Variants in FARS2 observed in about 807,000 individuals in gnomAD.
FARS2 encodes phenylalanine--tRNA ligase, mitochondrial.
A neutral mutation model predicts 46.4 loss-of-function variants in FARS2; 40 were observed. The observed-to-expected ratio is 0.86, with a 90% CI of 0.67 to 1.12. FARS2 has a LOEUF of 1.12. FARS2 is among the 50% of genes most tolerant of loss of function. FARS2 has a pLI of 0.00. For missense variants in FARS2, 513 were observed against 567.9 expected (o/e 0.90, Z 0.98); for synonymous variants, 234 against 214.9 (o/e 1.09, Z -0.78).
upstream of FARS2, among the ~76,000 whole-genome samples, chr6:5,256,750 T>C (rs1430503840): frequency 6.6e-6 from 1 of 151,866 alleles, no homozygotes; most frequent in Non-Finnish European, 1.5e-5. Context: ...CAGGGGAAAT[T>C]TACACCCAAG....
chr6:5,260,008 AG>A (rs2127789028), upstream of FARS2, among the ~76,000 whole-genome samples: 1 of 152,320 alleles, frequency 6.6e-6, no homozygotes, highest in South Asian at 2.1e-4. Flanking sequence ...ATGTGAGTTT[AG>A]GCCCTCAATA....
chr6:5,511,667 G>GA, intron 4 of FARS2, among the ~76,000 whole-genome samples: 1 of 152,216 alleles, frequency 6.6e-6, no homozygotes, highest in East Asian at 1.9e-4. Context: ...GCTATTGGAG[G>GA]AAAAGGGTCA....
chr6:5,652,590 A>C (rs978376114), intron 6 of FARS2, among the ~76,000 whole-genome samples: 4 of 152,210 alleles, frequency 2.6e-5, no homozygotes, highest in South Asian at 2.1e-4. Context: ...GAATGGCCCG[A>C]CTGCCCTTCA....
At chr6:5,489,799 C>A (rs773712964) in intron 4 of FARS2, among the ~76,000 whole-genome samples, 1 of 152,014 alleles carries the variant, frequency 6.6e-6, no homozygotes. Context: ...AGTGAACTTA[C>A]GTTGGAATAA....
chr6:5,284,606 C>T (rs1481407780), intron 1 of FARS2, among the ~76,000 whole-genome samples: 1 of 152,200 alleles, frequency 6.6e-6, no homozygotes, highest in Non-Finnish European at 1.5e-5. Flanking sequence ...ATCACTGGAA[C>T]TACTTTTCAG....
At chr6:5,689,857 G>A (rs1757557888) in intron 6 of FARS2, among the ~76,000 whole-genome samples, 4 of 152,030 alleles carry the variant, frequency 2.6e-5, no homozygotes, top group South Asian at 2.1e-4. Flanking sequence ...GGTCTCTAAG[G>A]ACTTGCTTTA....
intron 6 of FARS2, among the ~76,000 whole-genome samples, chr6:5,707,914 C>T (rs555817800): frequency 5.9e-5 from 9 of 152,308 alleles, no homozygotes; most frequent in East Asian, 5.8e-4. Flanking sequence ...CGTGGGAGCC[C>T]GGGGAAGAAA....
intron 4 of FARS2, among the ~76,000 whole-genome samples, chr6:5,464,487 A>C (rs912539514): frequency 1.3e-5 from 2 of 152,196 alleles, no homozygotes; most frequent in South Asian, 2.1e-4. Flanking sequence ...CTGCTGCCCG[A>C]GTCAGGCCTT....
intron 1 of FARS2, among the ~76,000 whole-genome samples, chr6:5,359,834 G>T (rs1391206759): frequency 6.6e-6 from 1 of 152,276 alleles, no homozygotes; most frequent in Non-Finnish European, 1.5e-5. Context: ...GTTCTGAGCT[G>T]TAGACACTCT....
chr6:5,326,420 C>G (rs1770387190), intron 1 of FARS2, among the ~76,000 whole-genome samples: 1 of 152,230 alleles, frequency 6.6e-6, no homozygotes, highest in African/African-American at 2.4e-5. Flanking sequence ...ACGTCCAGCA[C>G]ACAGCAGTTG....
chr6:5,601,898 G>T (rs1447591405), intron 5 of FARS2, among the ~76,000 whole-genome samples: 1 of 152,140 alleles, frequency 6.6e-6, no homozygotes, highest in Non-Finnish European at 1.5e-5. Context: ...GCTGCAAAGT[G>T]GTCCTTTAAC....
At chr6:5,300,340 A>G (rs960781009) in intron 1 of FARS2, among the ~76,000 whole-genome samples, 1 of 152,244 alleles carries the variant, frequency 6.6e-6, no homozygotes, top group Non-Finnish European at 1.5e-5. Flanking sequence ...TTATAGTCAT[A>G]CACAGCTGCT....
chr6:5,589,807 G>A (rs1773814397), intron 5 of FARS2, among the ~76,000 whole-genome samples: 1 of 152,144 alleles, frequency 6.6e-6, no homozygotes, highest in South Asian at 2.1e-4. Flanking sequence ...TCTATTTTAT[G>A]GATAAGTATG....
rs189096743 is a variant in FARS2, at chr6:5,338,179, A to T, written c.-21-30371A>T. Among the ~76,000 whole-genome samples the T allele has an allele frequency of 2.2e-4, 33 of 152,332 alleles. No homozygotes were observed. In the East Asian group the frequency reaches 6.4e-3, roughly 29 times the overall value. On this transcript the variant is annotated intron_variant, in intron 1 of 6. Transcript: ENST00000274680. ...GGATGTTGTTTTAATAGACCTATAG[A>T]TTATATAGAATAAAATAGTTTGGAT...
chr6:5,497,832 G>A (rs1201350021), intron 4 of FARS2, among the ~76,000 whole-genome samples: 1 of 152,066 alleles, frequency 6.6e-6, no homozygotes, highest in Non-Finnish European at 1.5e-5. Flanking sequence ...CCCTAAATAA[G>A]TAATTCATTA....
At chr6:5,260,702 G>T, upstream of FARS2, 1 of 1,550,686 alleles carries the variant, frequency 6.4e-7, no homozygotes, top group Non-Finnish European at 8.7e-7. Context: ...CCGGTACAGA[G>T]ATAACACTTG....
At chr6:5,341,214 TATATATATATATATATA>T (rs1377788275) in intron 1 of FARS2, among the ~76,000 whole-genome samples, 20 of 9,222 alleles carry the variant, frequency 2.2e-3, no homozygotes, top group Non-Finnish European at 3.5e-3. Flanking sequence ...TATATATATA[TATATATATATATATATA>T]TATATTTTTT....
At chr6:5,464,000 G>A (rs1313097728) in intron 4 of FARS2, among the ~76,000 whole-genome samples, 7 of 152,250 alleles carry the variant, frequency 4.6e-5, no homozygotes, top group African/African-American at 1.2e-4. Context: ...TTCTAGTGTC[G>A]GGATTCATGG....
intron 4 of FARS2, among the ~76,000 whole-genome samples, chr6:5,461,759 T>A (rs1247014166): frequency 6.6e-6 from 1 of 152,258 alleles, no homozygotes; most frequent in Non-Finnish European, 1.5e-5. Context: ...TTAGCATGTC[T>A]CAGTAGTTTG....
Sources: gnomAD v4.1 joint callset for allele counts (sites outside exome capture counted in the v4.1 genomes callset) on GRCh38, gnomAD v4.1.1 for gene constraint, MANE v1.5 for transcripts, NCBI Gene and HGNC (gene_info 2026-07-23, HGNC 2026-07-21) for gene names.